The following FAM9B variants were observed in gnomAD, a reference collection of about 807,000 sequenced individuals.
FAM9B encodes the protein family with sequence similarity 9 member B, also known as protein FAM9B.
Under a neutral mutation model 16.6 loss-of-function variants are expected in FAM9B, and 18 were observed. The observed-to-expected ratio is 1.09, with a 90% confidence interval of 0.75 to 1.61. The LOEUF (loss-of-function observed/expected upper bound fraction) is 1.61. Among genes scored for constraint, FAM9B ranks in the 40% most tolerant of loss-of-function variants. The probability of loss-of-function intolerance (pLI) is 0.00; values close to 1 mark genes in which losing one functional copy is unlikely to be tolerated. For missense variants in FAM9B, 155 were observed against 136.0 expected (o/e 1.14, Z -0.70); for synonymous variants, 43 against 42.6 (o/e 1.01, Z -0.03).
Position 9,025,581 on chromosome X carries a change from A to G in FAM9B, c.495T>C (p.Ala165=). 1 of 1,202,412 alleles carries G rather than the reference A, an allele frequency of 8.3e-7. No individual in the cohort carries two copies. Among genetic ancestry groups the G allele is most frequent in the South Asian group, 1.8e-5 (1 of 54,624 alleles). The change falls in exon 8 of 9, where the codon GCT becomes GCC. Residue 165 remains alanine (A), a splice_region_variant and synonymous_variant. Coordinates refer to ENST00000327220, the MANE Select transcript of FAM9B (RefSeq NM_205849.3). ...CACAAAGGTCTTCAAAGTCCTCAAG[A>G]GCCTAAAAGAAAAAGTCTAGTTCAC... ...MKLLRDQFVK[A]LEDFEDLCDR...
rs1217649478 is a variant in FAM9B, at chrX:9,025,532, T to C, written c.544A>G (p.Ser182Gly). The C allele has an allele frequency of 1.1e-5, 13 of 1,206,635 alleles. No individual in the cohort carries two copies. The highest frequency in any genetic ancestry group is 1.5e-5 in the Non-Finnish European group (13 of 893,245). The change falls in exon 8 of 9, where the codon AGT becomes GGT. Residue 182 changes from serine (S) to glycine (G), a missense_variant. Transcript: ENST00000327220. ...LCDRVFSDED[S>G]ELDN ...AAACATGTCTAGTTATCAAGTTCAC[T>C]GTCTTCATCGGAAAAAACTCTGTCA...
chrX:9,030,469 C>T, intron 4 of FAM9B, 109 bp from the exon 5 acceptor site: 3 of 484,452 alleles, frequency 6.2e-6, no homozygotes, highest in Non-Finnish European at 9.5e-6. Context: ...TCAGCAATTT[C>T]AGAAGGATAT....
At chrX:9,029,140 C>A (rs1399909776) in intron 6 of FAM9B, among the ~76,000 whole-genome samples, 167 bp downstream of exon 6, 1 of 111,813 alleles carries the variant, frequency 8.9e-6, no homozygotes, top group Non-Finnish European at 1.9e-5. Flanking sequence ...TTCAGTTGGA[C>A]CCCTAATGCT....
At chrX:9,029,690 C>T (rs182771763) in intron 5 of FAM9B, among the ~76,000 whole-genome samples, 45 of 111,824 alleles carry the variant, frequency 4.0e-4, no homozygotes, top group Non-Finnish European at 5.8e-4. Flanking sequence ...GAAACATTTT[C>T]TCTAAGAGCA....
Position 9,030,406 on chromosome X carries a change from T to C in FAM9B, c.182-46A>G, listed in dbSNP as rs1214204115. The C allele has an allele frequency of 4.4e-5, 45 of 1,015,157 alleles. No homozygotes were observed. The East Asian group carries it at 1.4e-3, about 31-fold the overall frequency. 83.7% of individuals were successfully genotyped at this position (1,015,157 alleles called of 1,213,427 possible). On this transcript the variant is annotated intron_variant, in intron 4 of 8. Coordinates refer to ENST00000327220, the MANE Select transcript of FAM9B (RefSeq NM_205849.3). ...TAAATGAAAATGGATTAAAAGTTAATGTTGAAAAGTAGTTTCTTTGCATAT... is the reference window on the plus strand; with the variant it reads ...TAAATGAAAATGGATTAAAAGTTAACGTTGAAAAGTAGTTTCTTTGCATAT...
intron 7 of FAM9B, among the ~76,000 whole-genome samples, chrX:9,026,970 G>A (rs1295396208): frequency 1.8e-5 from 2 of 111,613 alleles, no homozygotes; most frequent in African/African-American, 6.5e-5. Context: ...CTCAGTTAGT[G>A]TAGAGAAGTG....
chrX:9,030,381 T>C (rs377486244), intron 4 of FAM9B, 21 bp from the exon 5 acceptor site: 63 of 1,105,474 alleles, frequency 5.7e-5, no homozygotes, highest in Non-Finnish European at 7.1e-5. Flanking sequence ...AGTTAGATAG[T>C]AAATGAAAAT....
rs1302047096 is a variant in FAM9B, at chrX:9,025,050, G to C, written c.*359C>G. The C allele has an allele frequency of 8.9e-6, 1 of 112,492 alleles. No individual in the cohort carries two copies. The highest frequency in any genetic ancestry group is 1.9e-5 in the Non-Finnish European group (1 of 53,525). 9.3% of individuals were successfully genotyped at this position (112,492 alleles called of 1,213,427 possible). A position where few individuals can be genotyped will look rare whatever the true frequency, so the allele number is the denominator to read the frequency against. ...CTGTGCTTTCTACATTTTTGGAACT[G>C]ATACAAATCCACAGAGGCCAAATCG... On this transcript the variant is annotated 3_prime_UTR_variant, in exon 9 of 9. Transcript: ENST00000327220.
chrX:9,029,325 TC>T lies in FAM9B; in HGVS notation c.374del (p.Gly125GlufsTer6). 5.0e-6 allele frequency: 6 copies of T among 1,203,381 alleles called. No homozygotes were observed. The highest frequency in any genetic ancestry group is 6.8e-6 in the Non-Finnish European group (6 of 888,737). On this transcript the variant is annotated frameshift_variant, in exon 6 of 9. Transcript: ENST00000327220. LOFTEE classifies it high-confidence loss of function. ...DEQKEEEEEE[G>X]EEEELIRIFQ... ...TACCAACAATTAGTTCTTCCTCTTC[TC>T]CCTCTTCTTCTTCTTCCTCTTTCTG...
At chrX:9,033,467 A>C in intron 1 of FAM9B, 1 of 635,052 alleles carries the variant, frequency 1.6e-6, no homozygotes, top group African/African-American at 2.4e-5. Context: ...CCCTGGACGC[A>C]CAGGGGACCC....
In FAM9B at chrX:9,030,270, T is replaced by G. The variant is rs778653371; in HGVS notation, c.272A>C (p.Gln91Pro). The change falls in exon 5 of 9, where the codon CAA becomes CCA. Residue 91 changes from glutamine to proline, a missense_variant. Gln to Pro is a moderately conservative substitution (Grantham distance 76, BLOSUM62 -1). Transcript: ENST00000327220. ...AAGCCAACAGTCATACCTTTTAAGT[T>G]GCTTTTTTCTCAAAGCATGTTTACT... ...NKSKHALRKK[Q>P]LKRQKRDYIH... 8.3e-7 allele frequency: 1 copy of G among 1,198,333 alleles called. No individual in the cohort carries two copies. The highest frequency in any genetic ancestry group is 3.0e-5 in the East Asian group (1 of 33,587).
chrX:9,027,946 CTGT>C lies in FAM9B; in HGVS notation c.411_413del (p.Gln138del). The C allele has an allele frequency of 8.3e-7, 1 of 1,207,535 alleles. No homozygotes were observed. Reference sequence around the variant, plus strand: ...CACTTCTATATTGTTGCCACTTCTTCTGTTGTTCTTGAAATATTCTCTAGAATC... The same window carrying C: ...CACTTCTATATTGTTGCCACTTCTTCTGTTCTTGAAATATTCTCTAGAATC... On this transcript the variant is annotated inframe_deletion, in exon 7 of 9. Coordinates refer to ENST00000327220, the MANE Select transcript of FAM9B (RefSeq NM_205849.3).
rs1354789524 is a variant in FAM9B at position 9,025,549 on chromosome X, ACT to A, written c.525_526del (p.Arg175SerfsTer5). The A allele has an allele frequency of 5.8e-6, 7 of 1,205,765 alleles. No homozygotes were observed. The highest frequency in any genetic ancestry group is 5.3e-5 in the African/African-American group (3 of 56,996). ...AAGTTCACTGTCTTCATCGGAAAAA[ACT>A]CTGTCACAAAGGTCTTCAAAGTCCT... is the stretch of plus-strand genomic sequence containing the variant. On this transcript the variant is annotated frameshift_variant, in exon 8 of 9. Coordinates refer to ENST00000327220, the MANE Select transcript of FAM9B (RefSeq NM_205849.3). LOFTEE classifies it high-confidence loss of function.
At position 9,029,425 on chromosome X, in the gene FAM9B, C is replaced by T. The variant is rs1020068816; in HGVS notation, c.282-7G>A. ...TATATAATCACGTTTCTGCCTGTAA[C>T]ACATAATAAGTAACACGGTCATACG... On this transcript the variant is annotated splice_polypyrimidine_tract_variant and splice_region_variant and intron_variant, in intron 5 of 8. Coordinates refer to ENST00000327220, the MANE Select transcript of FAM9B (RefSeq NM_205849.3). The T allele has an allele frequency of 1.3e-5, 15 of 1,135,182 alleles. No homozygotes were observed. The highest frequency in any genetic ancestry group is 1.8e-5 in the Non-Finnish European group (15 of 827,292). 93.6% of individuals were successfully genotyped at this position (1,135,182 alleles called of 1,213,427 possible). A position where few individuals can be genotyped will look rare whatever the true frequency, so the allele number is the denominator to read the frequency against.
At chrX:9,031,090 A>G (rs895921976) in intron 4 of FAM9B, 7 of 111,891 alleles carry the variant, frequency 6.3e-5, no homozygotes, top group African/African-American at 2.3e-4. Context: ...CAGCAATCAT[A>G]AAAGATTTGT....
chrX:9,027,732 A>C, intron 7 of FAM9B, 136 bp downstream of exon 7: 2 of 488,654 alleles, frequency 4.1e-6, no homozygotes, highest in South Asian at 6.4e-5. Context: ...CTGGAACAAT[A>C]CATTCAAAGT....
At chrX:9,030,435 G>T (rs1443193726) in intron 4 of FAM9B, 75 bp from the exon 5 acceptor site, 2 of 722,957 alleles carry the variant, frequency 2.8e-6, no homozygotes, top group South Asian at 3.1e-5. Flanking sequence ...TGCATATACT[G>T]ACATCAATAT....
chrX:9,032,547 C>T, intron 2 of FAM9B, 86 bp from the exon 3 acceptor site: 2 of 693,431 alleles, frequency 2.9e-6, no homozygotes, highest in Non-Finnish European at 3.8e-6. Context: ...TAGTTGTAGA[C>T]TTTTTTGGGG....
chrX:9,031,503 C>A (rs921100317), intron 4 of FAM9B: 1 of 110,684 alleles, frequency 9.0e-6, no homozygotes, highest in Non-Finnish European at 1.9e-5. Context: ...TTAAAGAAAA[C>A]AAAATCAGAA....
Sources: allele counts gnomAD v4.1 joint callset (sites outside exome capture counted in the v4.1 genomes callset), GRCh38; gene constraint gnomAD v4.1.1; transcripts MANE v1.5; gene names NCBI Gene and HGNC (gene_info 2026-07-23, HGNC 2026-07-21).